The following CSMD1 variants were observed in gnomAD, a reference collection of about 807,000 sequenced individuals.
CSMD1 encodes the protein CUB and sushi domain-containing protein 1.
A neutral mutation model predicts 417.5 loss-of-function variants in CSMD1; 213 were observed. The ratio of observed to expected loss-of-function variants is 0.51; its 90% CI spans 0.46 to 0.57. The LOEUF is 0.57. Among genes scored for constraint, CSMD1 ranks in the 20% least tolerant of loss-of-function variants. The pLI, the probability that CSMD1 is intolerant of heterozygous loss-of-function variation, is 0.00. For synonymous variants in CSMD1, 2,862 were observed against 1,736.8 expected (o/e 1.65, Z -16.11); for missense variants, 6,923 against 4,529.7 (o/e 1.53, Z -15.17).
At chr8:4,150,702 G>C (rs370417152) in intron 3 of CSMD1, among the ~76,000 whole-genome samples, 1 of 152,150 alleles carries the variant, frequency 6.6e-6, no homozygotes, top group African/African-American at 2.4e-5. Flanking sequence ...TAGAACCTTA[G>C]GGTGTGGAAA....
At chr8:4,847,187 A>G (rs79979134) in intron 1 of CSMD1, among the ~76,000 whole-genome samples, 1 of 152,184 alleles carries the variant, frequency 6.6e-6, no homozygotes, top group African/African-American at 2.4e-5. Flanking sequence ...TTGCATGCAA[A>G]TCTAAGGTCT....
intron 3 of CSMD1, among the ~76,000 whole-genome samples, chr8:4,144,101 G>C (rs1463952687): frequency 2.0e-5 from 3 of 151,076 alleles, no homozygotes; most frequent in Admixed American, 1.3e-4. Context: ...TAGAAAGTTT[G>C]AGTTAATTGG....
intron 2 of CSMD1, among the ~76,000 whole-genome samples, chr8:4,539,314 G>T (rs143081912): frequency 6.6e-6 from 1 of 152,270 alleles, no homozygotes; most frequent in Non-Finnish European, 1.5e-5. Flanking sequence ...TATCTTTTAA[G>T]ACATTTTCAG....
At chr8:4,579,922 T>C (rs1799332149) in intron 2 of CSMD1, among the ~76,000 whole-genome samples, 1 of 152,218 alleles carries the variant, frequency 6.6e-6, no homozygotes, top group African/African-American at 2.4e-5. Flanking sequence ...TAACTCCAGA[T>C]GCATAGCTCG....
chr8:4,108,723 A>G (rs1801699875), intron 3 of CSMD1, among the ~76,000 whole-genome samples: 1 of 152,218 alleles, frequency 6.6e-6, no homozygotes, highest in African/African-American at 2.4e-5. Context: ...AACGAAGTGT[A>G]TGCATACCGA....
intron 3 of CSMD1, among the ~76,000 whole-genome samples, chr8:4,082,154 G>C (rs1391384099): frequency 2.0e-5 from 3 of 152,210 alleles, no homozygotes; most frequent in Middle Eastern, 3.4e-3. Context: ...AATCTCTATA[G>C]ATCCTAAGGA....
intron 5 of CSMD1, among the ~76,000 whole-genome samples, chr8:3,961,193 A>G (rs1053706038): frequency 6.6e-6 from 1 of 152,208 alleles, no homozygotes; most frequent in African/African-American, 2.4e-5. Context: ...TATAAGCATG[A>G]AAGTCATTGT....
chr8:4,287,413 G>T (rs189580352), intron 3 of CSMD1, among the ~76,000 whole-genome samples: 1 of 152,092 alleles, frequency 6.6e-6, no homozygotes, highest in Admixed American at 6.6e-5. Flanking sequence ...CCACCAGAAG[G>T]TTTCTTTCTA....
chr8:4,677,074 T>C (rs184002661), intron 1 of CSMD1, among the ~76,000 whole-genome samples: 2,534 of 146,428 alleles, frequency 0.017, 80 homozygotes, highest in African/African-American at 0.06. Flanking sequence ...AGAGATATGA[T>C]ATATATAGGG....
intron 30 of CSMD1, among the ~76,000 whole-genome samples, chr8:3,207,528 ATATT>A (rs1391895058): frequency 6.6e-6 from 1 of 152,164 alleles, no homozygotes; most frequent in Non-Finnish European, 1.5e-5. Context: ...ATTATGTTAA[ATATT>A]AATTGATGGA....
intron 1 of CSMD1, among the ~76,000 whole-genome samples, chr8:4,986,427 G>A (rs1055354274): frequency 1.3e-5 from 2 of 152,138 alleles, no homozygotes; most frequent in South Asian, 4.1e-4. Flanking sequence ...TCTCTAAATA[G>A]AGGCATAGAC....
intron 26 of CSMD1, among the ~76,000 whole-genome samples, chr8:3,241,631 T>A (rs1052430938): frequency 6.6e-6 from 1 of 152,200 alleles, no homozygotes; most frequent in African/African-American, 2.4e-5. Flanking sequence ...GGAGGAATCC[T>A]GGGCTGCAGG....
chr8:4,888,447 A>C (rs1337077480), intron 1 of CSMD1, among the ~76,000 whole-genome samples: 1 of 151,926 alleles, frequency 6.6e-6, no homozygotes, highest in East Asian at 1.9e-4. Flanking sequence ...ATATACATAT[A>C]TATTGTTTTG....
At chr8:4,150,944 G>C (rs34678715) in intron 3 of CSMD1, among the ~76,000 whole-genome samples, 1 of 152,122 alleles carries the variant, frequency 6.6e-6, no homozygotes, top group African/African-American at 2.4e-5. Flanking sequence ...AGTCTGCAAC[G>C]TCCAAACTTT....
intron 23 of CSMD1, among the ~76,000 whole-genome samples, chr8:3,333,312 C>T (rs1004027128): frequency 3.3e-5 from 5 of 152,176 alleles, no homozygotes; most frequent in Non-Finnish European, 7.3e-5. Context: ...GGCCCCTACA[C>T]GTGTGGTATT....
intron 2 of CSMD1, among the ~76,000 whole-genome samples, chr8:4,632,117 C>T (rs1240745421): frequency 1.3e-5 from 2 of 152,186 alleles, no homozygotes; most frequent in Non-Finnish European, 2.9e-5. Context: ...GGATGGTTGA[C>T]TCACATTCAT....
rs920651669 is a variant in CSMD1 at position 4,785,269 on chromosome 8, G to A, written c.86-147711C>T. ...TCATGAGGAGGTGAACATTGGCAAA[G>A]GTGATTTTCATAATGGGGCACATTG... On this transcript the variant is annotated intron_variant, in intron 1 of 69. Coordinates refer to ENST00000635120, the MANE Select transcript of CSMD1 (RefSeq NM_033225.6). Among the ~76,000 whole-genome samples the A allele has an allele frequency of 3.3e-5, 5 of 152,282 alleles. No individual in the cohort carries two copies. The East Asian group carries it at 7.7e-4, about 24-fold the overall frequency.
At chr8:4,178,230 C>T (rs539205457) in intron 3 of CSMD1, among the ~76,000 whole-genome samples, 7 of 152,292 alleles carry the variant, frequency 4.6e-5, no homozygotes, top group African/African-American at 1.7e-4. Flanking sequence ...AGCTAATCCA[C>T]TATCATCAAG....
intron 5 of CSMD1, among the ~76,000 whole-genome samples, chr8:3,788,985 A>G (rs576729885): frequency 9.9e-5 from 15 of 152,156 alleles, no homozygotes; most frequent in Non-Finnish European, 2.1e-4. Context: ...TCCAAATTGT[A>G]AGTTATTTCC....
Sources: gnomAD v4.1 joint callset for allele counts (sites outside exome capture counted in the v4.1 genomes callset) on GRCh38, gnomAD v4.1.1 for gene constraint, MANE v1.5 for transcripts, NCBI Gene and HGNC (gene_info 2026-07-23, HGNC 2026-07-21) for gene names.